UNC13C: variants seen among roughly 807,000 people sequenced by gnomAD.
The protein encoded by UNC13C is protein unc-13 homolog C.
A neutral mutation model predicts 245.4 loss-of-function variants in UNC13C; 174 were observed. That is an observed-to-expected ratio of 0.71 (90% CI 0.63 to 0.80). The LOEUF (loss-of-function observed/expected upper bound fraction) is 0.80, where lower values mean the gene tolerates loss of function less well. UNC13C is among the 30% of genes least tolerant of loss of function. UNC13C has a pLI of 0.00. For missense variants in UNC13C, 2,829 were observed against 2,602.9 expected (o/e 1.09, Z -1.89); for synonymous variants, 992 against 895.1 (o/e 1.11, Z -1.93).
chr15:53,938,684 A>G, the UNC13C span, among the ~76,000 whole-genome samples: 1 of 152,152 alleles, frequency 6.6e-6, no homozygotes, highest in South Asian at 2.1e-4. Flanking sequence ...TCAAAATAGA[A>G]CTCCAGATTA....
At chr15:54,614,900 C>A (rs931025807) in intron 30 of UNC13C, among the ~76,000 whole-genome samples, 1 of 151,880 alleles carries the variant, frequency 6.6e-6, no homozygotes, top group African/African-American at 2.4e-5. Context: ...TTTTAAAAAT[C>A]CTGATTTATT....
chr15:54,333,799 G>A lies in UNC13C; in HGVS notation c.4527G>A (p.Leu1509=), dbSNP rs1173230560. The A allele has an allele frequency of 3.7e-6, 6 of 1,606,552 alleles. No individual in the cohort carries two copies. The highest frequency in any genetic ancestry group is 2.2e-5 in the South Asian group (2 of 89,642). Residue 1509 remains leucine (L), a synonymous_variant, in exon 16 of 33, where the codon CTG becomes CTA. Transcript: ENST00000260323. ...TTCCTGCAAGCAATACTGAAAGACT[G>A]CAAGACCTGAAATCAACTGTTGACC... ...ENFPASNTER[L]QDLKSTVDLL... is the part of the protein sequence containing the mutation.
intron 30 of UNC13C, among the ~76,000 whole-genome samples, chr15:54,608,836 C>A (rs533803040): frequency 5.3e-5 from 8 of 152,304 alleles, no homozygotes; most frequent in Admixed American, 1.3e-4. Context: ...CCTTATCTTG[C>A]TATACTGTCC....
chr15:53,923,954 C>T, the UNC13C span, among the ~76,000 whole-genome samples: 4 of 152,206 alleles, frequency 2.6e-5, no homozygotes, highest in African/African-American at 7.2e-5. Context: ...CGCCTGTAAT[C>T]CCAGCACTTT....
At chr15:54,243,659 A>T (rs917414531) in intron 7 of UNC13C, among the ~76,000 whole-genome samples, 12 of 152,068 alleles carry the variant, frequency 7.9e-5, no homozygotes, top group African/African-American at 2.9e-4. Context: ...ACTTTTTGAT[A>T]ATCACCATTC....
At chr15:54,119,579 C>A (rs544969086) in intron 2 of UNC13C, among the ~76,000 whole-genome samples, 1 of 152,088 alleles carries the variant, frequency 6.6e-6, no homozygotes, top group South Asian at 2.1e-4. Context: ...ACATTGGCCT[C>A]TGAGTGTTTA....
intron 2 of UNC13C, among the ~76,000 whole-genome samples, chr15:54,099,889 G>A (rs1028750502): frequency 9.9e-5 from 15 of 152,032 alleles, no homozygotes; most frequent in Non-Finnish European, 1.8e-4. Flanking sequence ...GAAGTCAGGA[G>A]TTCGAAATCA....
chr15:54,076,627 C>T (rs954459522), intron 2 of UNC13C, among the ~76,000 whole-genome samples: 1 of 110,184 alleles, frequency 9.1e-6, no homozygotes, highest in Non-Finnish European at 2.4e-5. Context: ...AGGTTGCTGG[C>T]AGAGTGATAG....
the UNC13C span, among the ~76,000 whole-genome samples, chr15:53,875,747 T>C: frequency 1.4e-4 from 22 of 152,322 alleles, no homozygotes; most frequent in East Asian, 4.2e-3. Flanking sequence ...ATGGTGTGCA[T>C]TACACCATTT....
chr15:54,112,923 G>T (rs1303164900), intron 2 of UNC13C, among the ~76,000 whole-genome samples: 9 of 152,174 alleles, frequency 5.9e-5, no homozygotes, highest in African/African-American at 2.2e-4. Flanking sequence ...AGTGAGTTAT[G>T]CCTTGATCAA....
At chr15:54,566,605 A>G (rs573610012) in intron 29 of UNC13C, among the ~76,000 whole-genome samples, 7 of 149,122 alleles carry the variant, frequency 4.7e-5, no homozygotes, top group Non-Finnish European at 8.8e-5. Flanking sequence ...GTGTTTCTTA[A>G]GTTTAAATCC....
At chr15:53,947,818 G>A in the UNC13C span, 20 of 152,270 alleles carry the variant, frequency 1.3e-4, no homozygotes, top group Non-Finnish European at 2.6e-4. Flanking sequence ...AAGGTTGGAG[G>A]ATGACTCTTT....
intron 2 of UNC13C, among the ~76,000 whole-genome samples, chr15:54,038,124 A>ATATAAAAATTTTTTTTTTTTTTTTTTT: frequency 3.3e-4 from 15 of 45,032 alleles, no homozygotes; most frequent in African/African-American, 1.3e-3. Flanking sequence ...ATATATATAT[A>ATATAAAAATTTTTTTTTTTTTTTTTTT]TTTTTTTTTT....
chr15:54,629,665 T>A (rs770245080), downstream of UNC13C: 13 of 152,212 alleles, frequency 8.5e-5, no homozygotes, highest in Non-Finnish European at 1.6e-4. Flanking sequence ...TAGATTTATG[T>A]TATAAATATT....
intron 2 of UNC13C, among the ~76,000 whole-genome samples, chr15:54,102,653 C>G (rs1030409414): frequency 2.0e-5 from 3 of 152,182 alleles, no homozygotes; most frequent in Admixed American, 2.0e-4. Flanking sequence ...ATGTGGAGCA[C>G]TTTTAAAAAG....
chr15:54,413,006 C>A (rs932543572), intron 18 of UNC13C, among the ~76,000 whole-genome samples: 5 of 152,052 alleles, frequency 3.3e-5, no homozygotes, highest in Non-Finnish European at 7.4e-5. Context: ...TGTCAAATAC[C>A]TTTTCAGCAT....
At chr15:54,435,091 C>T (rs565942123) in intron 19 of UNC13C, among the ~76,000 whole-genome samples, 7 of 151,934 alleles carry the variant, frequency 4.6e-5, no homozygotes, top group South Asian at 4.2e-4. Flanking sequence ...CAGACGCTGG[C>T]GTAGATGTGG....
chr15:54,332,250 A>G, intron 15 of UNC13C, 139 bp downstream of exon 15: 1 of 606,300 alleles, frequency 1.6e-6, no homozygotes. Flanking sequence ...GAAATAATCC[A>G]GCAGGTCTCC....
intron 13 of UNC13C, among the ~76,000 whole-genome samples, chr15:54,317,684 G>A (rs749928904): frequency 1.3e-5 from 2 of 151,854 alleles, no homozygotes; most frequent in Non-Finnish European, 2.9e-5. Context: ...TCTGTGGTAT[G>A]ATTAAATCTA....
Sources: allele counts gnomAD v4.1 joint callset (sites outside exome capture counted in the v4.1 genomes callset), GRCh38; gene constraint gnomAD v4.1.1; transcripts MANE v1.5; gene names NCBI Gene and HGNC (gene_info 2026-07-23, HGNC 2026-07-21).